SIM2: variants seen among roughly 807,000 people sequenced by gnomAD.
The protein encoded by SIM2 is SIM bHLH transcription factor 2.
A neutral mutation model predicts 64.8 loss-of-function variants in SIM2; 28 were observed. The observed-to-expected ratio is 0.43, with a 90% confidence interval of 0.32 to 0.59. The LOEUF (loss-of-function observed/expected upper bound fraction) is 0.59. Among genes scored for constraint, SIM2 ranks in the 20% least tolerant of loss-of-function variants. The pLI is 0.07. For missense variants in SIM2, 847 were observed against 871.4 expected, an observed-to-expected ratio of 0.97 and a Z score of 0.35; for synonymous variants, 408 against 391.1, an observed-to-expected ratio of 1.04 and a Z score of -0.51.
At chr21:36,704,906 C>A (rs1363090800) in intron 1 of SIM2, among the ~76,000 whole-genome samples, 1 of 152,216 alleles carries the variant, frequency 6.6e-6, no homozygotes, top group African/African-American at 2.4e-5. Context: ...TCAGGGACCC[C>A]GGGGAGAACA....
intron 4 of SIM2, chr21:36,720,157 T>A: frequency 3.7e-6 from 2 of 543,430 alleles, no homozygotes; most frequent in Non-Finnish European, 6.6e-6. Flanking sequence ...CCAGAACCCG[T>A]GTTGAGTGCT....
chr21:36,704,209 G>T (rs1283051335), intron 1 of SIM2, among the ~76,000 whole-genome samples: 2 of 152,192 alleles, frequency 1.3e-5, no homozygotes, highest in Admixed American at 1.3e-4. Context: ...AGCACACCAC[G>T]AGAAGCCAGG....
intron 7 of SIM2, among the ~76,000 whole-genome samples, chr21:36,734,488 T>C (rs1281670494): frequency 6.6e-6 from 1 of 152,218 alleles, no homozygotes; most frequent in African/African-American, 2.4e-5. Flanking sequence ...TGACCTTAGC[T>C]GTGCTAGAGA....
intron 6 of SIM2, among the ~76,000 whole-genome samples, chr21:36,730,548 G>A (rs2123472881): frequency 6.6e-6 from 1 of 152,326 alleles, no homozygotes; most frequent in South Asian, 2.1e-4. Context: ...CAGGGGCAGT[G>A]ATGCCTGTTA....
chr21:36,702,881 T>TCA (rs2088522829), intron 1 of SIM2, among the ~76,000 whole-genome samples: 1 of 145,410 alleles, frequency 6.9e-6, no homozygotes, highest in Non-Finnish European at 1.5e-5. Flanking sequence ...CGGTCTTGTC[T>TCA]CAAAGCAAGT....
At chr21:36,722,657 A>T (rs2088838431) in intron 4 of SIM2, among the ~76,000 whole-genome samples, 1 of 152,120 alleles carries the variant, frequency 6.6e-6, no homozygotes. Context: ...TGAGGGTGAA[A>T]GCATGGATCT....
rs759483083 is a variant in SIM2 at position 36,744,990 on chromosome 21, G to A, written c.1430G>A (p.Arg477His). ...CAAGGATCCCCTTGTGAGGTGGCACGCTTTTTCCTGAGCACACTGCCAGCC... is the reference window on the plus strand; with the variant it reads ...CAAGGATCCCCTTGTGAGGTGGCACACTTTTTCCTGAGCACACTGCCAGCC... ...QPQGSPCEVARFFLSTLPASG... is the reference protein window; with the variant it reads ...QPQGSPCEVAHFFLSTLPASG... Residue 477 changes from arginine to histidine, a missense_variant, in exon 10 of 11, where the codon CGC becomes CAC. Around this residue, in one of 3 missense-constraint regions of SIM2, gnomAD observed 447 missense variants for 414.6 expected, o/e 1.08. Transcript: ENST00000290399. The A allele has an allele frequency of 1.4e-5, 23 of 1,614,126 alleles. No individual in the cohort carries two copies. Among genetic ancestry groups the A allele is most frequent in the East Asian group, 2.2e-5 (1 of 44,892 alleles).
At chr21:36,702,644 G>C (rs79727496) in intron 1 of SIM2, among the ~76,000 whole-genome samples, 23,471 of 152,186 alleles carry the variant, frequency 0.15, 2,235 homozygotes, top group South Asian at 0.27. Flanking sequence ...AGTGGCAGTG[G>C]AGTGGCATCT....
At chr21:36,702,259 G>A (rs1174412726) in intron 1 of SIM2, among the ~76,000 whole-genome samples, 6 of 152,202 alleles carry the variant, frequency 3.9e-5, no homozygotes, top group Admixed American at 3.9e-4. Context: ...CAGTTGAGGG[G>A]CTTCCTGTGT....
At chr21:36,714,092 A>G (rs1460722145) in intron 3 of SIM2, among the ~76,000 whole-genome samples, 1 of 152,226 alleles carries the variant, frequency 6.6e-6, no homozygotes, top group South Asian at 2.1e-4. Flanking sequence ...AATGGCAATG[A>G]CCGCAATTAC....
In SIM2 at chr21:36,743,575, G is replaced by C; in HGVS notation, c.1167+20G>C. ...CCACAGGTAACACGCATGTCCTGCA[G>C]TTTTGGGGTGCTGACATCTATCCTA... On this transcript the variant is annotated intron_variant, in intron 9 of 10. Coordinates refer to ENST00000290399, the MANE Select transcript of SIM2 (RefSeq NM_005069.6). 1 of 1,609,018 alleles carries C rather than the reference G, an allele frequency of 6.2e-7. No individual in the cohort carries two copies. Among genetic ancestry groups the C allele is most frequent in the Non-Finnish European group, 8.5e-7 (1 of 1,177,552 alleles).
chr21:36,712,697 C>G (rs760487409), intron 3 of SIM2, 75 bp downstream of exon 3: 34 of 967,632 alleles, frequency 3.5e-5, no homozygotes, highest in Non-Finnish European at 5.2e-5. Context: ...CCTCACCCAA[C>G]TTGAAAATGA....
chr21:36,747,730 CA>C lies in SIM2; in HGVS notation c.1643del (p.His548ProfsTer158). 7.9e-7 allele frequency: 1 copy of C among 1,259,594 alleles called. No individual in the cohort carries two copies. The highest frequency in any genetic ancestry group is 2.6e-5 in the South Asian group (1 of 38,434). 78.0% of individuals were successfully genotyped at this position (1,259,594 alleles called of 1,614,324 possible). On this transcript the variant is annotated frameshift_variant, in exon 11 of 11. Transcript: ENST00000290399. LOFTEE classifies it low-confidence loss of function (END_TRUNC). This position sits in a 1 kb window ranked among gnomAD's most constrained non-coding sequence, Gnocchi z 4.5. ...GCCCCCGAGCTTCCCGAGCTGCGGC[CA>C]CTACCGCGAGGAGCCCGCGCTGGGC... ...TAPPSFPSCG[H>X]YREEPALGPA... is the part of the protein sequence containing the mutation.
At chr21:36,725,161 C>A (rs1445268948) in intron 5 of SIM2, among the ~76,000 whole-genome samples, 1 of 152,034 alleles carries the variant, frequency 6.6e-6, no homozygotes, top group Non-Finnish European at 1.5e-5. Flanking sequence ...GTCTGGGCAA[C>A]ATAATGAGAC....
rs1322486597 is a variant in SIM2, at chr21:36,726,495, A to C, written c.743+177A>C. Among the ~76,000 whole-genome samples, 1 of 152,258 alleles carries C rather than the reference A, an allele frequency of 6.6e-6. No homozygotes were observed. The highest frequency in any genetic ancestry group is 6.5e-5 in the Admixed American group (1 of 15,290). ...AGAACATATGTCAGCCTTAGGACTC[A>C]AGGGCTTGTTTTACTTTATTTACTT... is the stretch of plus-strand genomic sequence containing the variant. On this transcript the variant is annotated intron_variant, in intron 6 of 10. Coordinates refer to ENST00000290399, the MANE Select transcript of SIM2 (RefSeq NM_005069.6). The surrounding 1 kb of genome is among the most constrained non-coding windows in gnomAD (Gnocchi z 4.5).
At chr21:36,735,359 A>G (rs975702529) in intron 7 of SIM2, among the ~76,000 whole-genome samples, 2 of 152,142 alleles carry the variant, frequency 1.3e-5, no homozygotes, top group African/African-American at 4.8e-5. Context: ...CTGTGTTAAG[A>G]TGTTCTCTGT....
At position 36,744,983 on chromosome 21, in the gene SIM2, G is replaced by A. The variant is rs1402868860; in HGVS notation, c.1423G>A (p.Val475Met). 15 of 1,614,262 alleles carry A rather than the reference G, an allele frequency of 9.3e-6. No homozygotes were observed. Among genetic ancestry groups the A allele is most frequent in the Non-Finnish European group, 1.3e-5 (15 of 1,180,052 alleles). The change falls in exon 10 of 11, where the codon GTG (valine) becomes ATG (methionine). Residue 475 changes from valine (V) to methionine (M), a missense_variant. By Grantham distance (21) the Val-to-Met change is conservative (BLOSUM62 1). Transcript: ENST00000290399. ...FGQPQGSPCE[V>M]ARFFLSTLPA... is the part of the protein sequence containing the mutation. ...GCAGCCCCAAGGATCCCCTTGTGAG[G>A]TGGCACGCTTTTTCCTGAGCACACT...
In SIM2 at chr21:36,747,289, G is replaced by T. The variant is rs374181202; in HGVS notation, c.1577-376G>T. Among the ~76,000 whole-genome samples, 304 of 151,792 alleles carry T rather than the reference G, an allele frequency of 2.0e-3. No homozygotes were observed. Among genetic ancestry groups the T allele is most frequent in the African/African-American group, 6.8e-3 (283 of 41,346 alleles). Reference sequence around the variant, plus strand: ...CCAACCCCGTGTGGTCTTGAACATGGAAATGTGGCCAGTGCAGTGAGGCAG... The same window carrying T: ...CCAACCCCGTGTGGTCTTGAACATGTAAATGTGGCCAGTGCAGTGAGGCAG... On this transcript the variant is annotated intron_variant, in intron 10 of 10. Transcript: ENST00000290399. The surrounding 1 kb of genome is among the most constrained non-coding windows in gnomAD (Gnocchi z 4.5).
In SIM2 at chr21:36,747,811, C is replaced by A; in HGVS notation, c.1723C>A (p.Arg575Ser). 1 of 1,032,074 alleles carries A rather than the reference C, an allele frequency of 9.7e-7. No homozygotes were observed. Among genetic ancestry groups the A allele is most frequent in the Non-Finnish European group, 1.2e-6 (1 of 863,990 alleles). 63.9% of individuals were successfully genotyped at this position (1,032,074 alleles called of 1,614,324 possible). The part of the protein sequence containing the change: ...ARDGARLALA[R>S]AAPECCAPPT... ...GGACGGGGCGCGGCTGGCGCTGGCC[C>A]GCGCGGCACCCGAGTGCTGCGCGCC... The change falls in exon 11 of 11, where the codon CGC becomes AGC. Residue 575 changes from arginine to serine, a missense_variant. Arg to Ser is a moderately radical substitution (Grantham distance 110). Transcript: ENST00000290399. The surrounding 1 kb of genome is among the most constrained non-coding windows in gnomAD (Gnocchi z 4.5).
Sources: gnomAD v4.1 joint callset for allele counts (sites outside exome capture counted in the v4.1 genomes callset) on GRCh38, gnomAD v4.1.1 for gene constraint, gnomAD v4.1.1 regional missense constraint, Gnocchi (gnomAD v3.1) non-coding constraint, MANE v1.5 for transcripts, NCBI Gene and HGNC (gene_info 2026-07-23, HGNC 2026-07-21) for gene names.